Variants in COX7A2L observed in about 807,000 individuals in gnomAD.
The protein encoded by COX7A2L is cytochrome c oxidase subunit 7A2 like.
A neutral mutation model predicts 14.2 loss-of-function variants in COX7A2L; 18 were observed. The ratio of observed to expected loss-of-function variants is 1.27; its 90% CI spans 0.88 to 1.88. The LOEUF is 1.88. Ranked by LOEUF, COX7A2L falls within the 40% of genes most tolerant of loss-of-function variation. The pLI, the probability that COX7A2L is intolerant of heterozygous loss-of-function variation, is 0.00. For synonymous variants in COX7A2L, 65 were observed against 57.4 expected (o/e 1.13, Z -0.60); for missense variants, 179 against 138.8 (o/e 1.29, Z -1.46).
rs1308172909 is a variant in COX7A2L at position 42,350,784 on chromosome 2, C to T, written c.*435G>A. 1 of 152,850 alleles carries T rather than the reference C, an allele frequency of 6.5e-6. No homozygotes were observed. Among genetic ancestry groups the T allele is most frequent in the South Asian group, 2.1e-4 (1 of 4,830 alleles). 9.5% of individuals were successfully genotyped at this position (152,850 alleles called of 1,614,324 possible). A position where few individuals can be genotyped will look rare whatever the true frequency, so the allele number is the denominator to read the frequency against. ...CATTTTACTGCAAAATGGAAAAAAT[C>T]CCCGAGGTGACTAACTCAAACTCCT... On this transcript the variant is annotated 3_prime_UTR_variant, in exon 3 of 3. Coordinates refer to ENST00000234301, the MANE Select transcript of COX7A2L (RefSeq NM_004718.4).
intron 1 of COX7A2L, among the ~76,000 whole-genome samples, chr2:42,358,115 G>T (rs1450756608): frequency 6.6e-6 from 1 of 152,142 alleles, no homozygotes; most frequent in African/African-American, 2.4e-5. Flanking sequence ...CACCACAAAT[G>T]TAACATGTTT....
At chr2:42,347,582 T>G (rs1670523106), downstream of COX7A2L, among the ~76,000 whole-genome samples, 1 of 152,170 alleles carries the variant, frequency 6.6e-6, no homozygotes, top group East Asian at 1.9e-4. Flanking sequence ...CAAGTGAGAT[T>G]TGGAAGGTAT....
upstream of COX7A2L, chr2:42,361,490 ACGGACTAAGCCCGG>A (rs563634614): frequency 1.1e-3 from 263 of 230,586 alleles, 1 homozygote; most frequent in African/African-American, 5.4e-3. Flanking sequence ...CAAGCGCTCC[ACGGACTAAGCCCGG>A]CGGACTAAGC....
rs962107424 is a variant in COX7A2L at position 42,342,482 on chromosome 2, T to A, written c.193-8613A>T. Among the ~76,000 whole-genome samples the A allele has an allele frequency of 2.6e-5, 4 of 152,110 alleles. No individual in the cohort carries two copies. Among genetic ancestry groups the A allele is most frequent in the Non-Finnish European group, 5.9e-5 (4 of 68,020 alleles). On this transcript the variant is annotated intron_variant, in intron 2 of 2. Coordinates refer to the COX7A2L transcript ENST00000468711. This position sits in a 1 kb window ranked among gnomAD's most constrained non-coding sequence, Gnocchi z 4.9. The stretch of plus-strand genomic sequence containing the variant: ...AACCCAGGTCCCTAACTCCATCTGC[T>A]TTACTTTACAGCCCTTCCAAGGCTT...
intron 1 of COX7A2L, among the ~76,000 whole-genome samples, chr2:42,367,117 T>C (rs1671178863): frequency 6.6e-6 from 1 of 152,232 alleles, no homozygotes; most frequent in South Asian, 2.1e-4. Context: ...ATGGTGGAGA[T>C]TTGGCATTTC....
At chr2:42,355,272 C>T (rs1670780753) in intron 1 of COX7A2L, among the ~76,000 whole-genome samples, 1 of 152,198 alleles carries the variant, frequency 6.6e-6, no homozygotes, top group Non-Finnish European at 1.5e-5. Context: ...ATGGTTTGAA[C>T]TGGATGGAGA....
At chr2:42,366,681 C>G (rs1218698061) in intron 1 of COX7A2L, among the ~76,000 whole-genome samples, 1 of 152,224 alleles carries the variant, frequency 6.6e-6, no homozygotes, top group Non-Finnish European at 1.5e-5. Flanking sequence ...GATCTGCAGT[C>G]ACTGATATTG....
upstream of COX7A2L, among the ~76,000 whole-genome samples, chr2:42,365,173 A>C (rs563457201): frequency 2.0e-4 from 30 of 152,338 alleles, no homozygotes; most frequent in African/African-American, 7.0e-4. Flanking sequence ...CAGTTGTCTT[A>C]TGCATAGAAT....
In COX7A2L at chr2:42,353,275, G is replaced by T; in HGVS notation, c.141C>A (p.Ser47=). ...CAGCATAATCATACACTGTGGAATCGGAGGTCAGTTTAGTTGGTGTGGCAA... is the reference window on the plus strand; with the variant it reads ...CAGCATAATCATACACTGTGGAATCTGAGGTCAGTTTAGTTGGTGTGGCAA... ...IIFATPTKLT[S]DSTVYDYAGK... is the part of the protein sequence containing the mutation. Residue 47 remains serine (S), a synonymous_variant, in exon 2 of 3, where the codon TCC becomes TCA. Coordinates refer to ENST00000234301, the MANE Select transcript of COX7A2L (RefSeq NM_004718.4). 6.2e-7 allele frequency: 1 copy of T among 1,614,124 alleles called. No homozygotes were observed. Among genetic ancestry groups the T allele is most frequent in the Non-Finnish European group, 8.5e-7 (1 of 1,180,022 alleles).
chr2:42,361,302 A>C (rs1671043810), upstream of COX7A2L: 1 of 731,074 alleles, frequency 1.4e-6, no homozygotes, highest in African/African-American at 1.8e-5. Flanking sequence ...GCCTAACTTA[A>C]AACCTGCACA....
chr2:42,360,918 A>C (rs1192203425), intron 1 of COX7A2L, 172 bp downstream of exon 1: 22 of 677,174 alleles, frequency 3.2e-5, no homozygotes, highest in Non-Finnish European at 5.2e-5. Context: ...CACAAAAAGA[A>C]GCCTCAGTGA....
chr2:42,343,794 C>G (rs1462664456), intron 2 of COX7A2L, among the ~76,000 whole-genome samples: 1 of 152,144 alleles, frequency 6.6e-6, no homozygotes. Flanking sequence ...ACCTCAATGT[C>G]AGACAAGCCA....
rs548914646 is a variant in COX7A2L at position 42,367,543 on chromosome 2, TCTC to T, written c.-688+1322_-688+1324del. On this transcript the variant is annotated intron_variant, in intron 1 of 3. Transcript: ENST00000378669. ...TGAAAAGTATCTAATGGAAGGCAAA[TCTC>T]CTCCTTAAAAGAAAGGGAACTGGAG... Among the ~76,000 whole-genome samples the T allele has an allele frequency of 2.6e-5, 4 of 151,872 alleles. No individual in the cohort carries two copies. In the South Asian group the frequency reaches 8.3e-4, roughly 32 times the overall value.
chr2:42,345,802 A>G (rs1291970242), downstream of COX7A2L, among the ~76,000 whole-genome samples: 2 of 152,192 alleles, frequency 1.3e-5, no homozygotes, highest in African/African-American at 2.4e-5. Context: ...TGTTGTGAAG[A>G]GTAGGACCGC....
intron 1 of COX7A2L, among the ~76,000 whole-genome samples, chr2:42,368,316 T>A (rs1056794978): frequency 1.3e-5 from 2 of 152,248 alleles, no homozygotes; most frequent in Non-Finnish European, 2.9e-5. Flanking sequence ...TTGAGAGCAT[T>A]ACAAAAATCT....
At chr2:42,358,023 A>G (rs1203308865) in intron 1 of COX7A2L, among the ~76,000 whole-genome samples, 2 of 152,178 alleles carry the variant, frequency 1.3e-5, no homozygotes, top group Non-Finnish European at 2.9e-5. Context: ...AGGAATTCCT[A>G]GATCACACAG....
intron 1 of COX7A2L, among the ~76,000 whole-genome samples, chr2:42,366,293 G>A (rs1182710005): frequency 6.6e-6 from 1 of 152,192 alleles, no homozygotes; most frequent in Non-Finnish European, 1.5e-5. Flanking sequence ...GGGCGTGATT[G>A]CACACCTGTA....
At chr2:42,360,994 G>A (rs1572802054) in intron 1 of COX7A2L, 96 bp downstream of exon 1, 2 of 1,331,988 alleles carry the variant, frequency 1.5e-6, no homozygotes, top group South Asian at 1.2e-5. Context: ...CTCGACCGCG[G>A]GCAGAAGCCT....
chr2:42,367,514 T>A (rs536603986), intron 1 of COX7A2L, among the ~76,000 whole-genome samples: 1 of 152,202 alleles, frequency 6.6e-6, no homozygotes, highest in South Asian at 2.1e-4. Flanking sequence ...AAGTTATCAA[T>A]CAGTGAAAAG....
Sources: allele counts gnomAD v4.1 joint callset (sites outside exome capture counted in the v4.1 genomes callset), GRCh38; gene constraint gnomAD v4.1.1; non-coding constraint Gnocchi (gnomAD v3.1); transcripts MANE v1.5; gene names NCBI Gene and HGNC (gene_info 2026-07-23, HGNC 2026-07-21).